Variants in GRAMD4 observed in about 807,000 individuals in gnomAD.
The protein encoded by GRAMD4 is GRAM domain-containing protein 4.
A neutral mutation model predicts 83.9 loss-of-function variants in GRAMD4; 25 were observed. The ratio of observed to expected loss-of-function variants is 0.30; its 90% CI spans 0.22 to 0.42. GRAMD4 has a LOEUF of 0.42. Ranked by LOEUF, GRAMD4 falls within the 10% of genes least tolerant of loss-of-function variation. The pLI, the probability that GRAMD4 is intolerant of heterozygous loss-of-function variation, is 1.00. For missense variants in GRAMD4, 593 were observed against 788.7 expected, an observed-to-expected ratio of 0.75 and a Z score of 2.97; for synonymous variants, 336 against 320.9, an observed-to-expected ratio of 1.05 and a Z score of -0.50.
At chr22:46,604,479 G>A (rs768012642) in intron 1 of GRAMD4, among the ~76,000 whole-genome samples, 20 of 152,082 alleles carry the variant, frequency 1.3e-4, no homozygotes, top group Non-Finnish European at 2.5e-4. Flanking sequence ...TTCTGCAACC[G>A]TCACTACCAT....
intron 8 of GRAMD4, among the ~76,000 whole-genome samples, chr22:46,664,633 C>A (rs995598561): frequency 2.6e-5 from 4 of 152,202 alleles, no homozygotes; most frequent in Non-Finnish European, 5.9e-5. Context: ...CAGCGGCTGC[C>A]CCAGCGGGAC....
Position 46,621,436 on chromosome 22 carries a change from G to A in GRAMD4, c.-50+871G>A, listed in dbSNP as rs984341790. Among the ~76,000 whole-genome samples, 3 of 152,164 alleles carry A rather than the reference G, an allele frequency of 2.0e-5. No homozygotes were observed. Among genetic ancestry groups the A allele is most frequent in the African/African-American group, 7.2e-5 (3 of 41,440 alleles). ...AGTGCAGTGCGGGGGCTGCCCATGT[G>A]GCCGTGGAGGGCACCCCTACCCCGG... On this transcript the variant is annotated intron_variant, in intron 1 of 18. Transcript: ENST00000406902. This position sits in a 1 kb window ranked among gnomAD's most constrained non-coding sequence, Gnocchi z 5.8.
At chr22:46,643,435 C>T (rs185672152) in intron 3 of GRAMD4, among the ~76,000 whole-genome samples, 1 of 152,142 alleles carries the variant, frequency 6.6e-6, no homozygotes, top group African/African-American at 2.4e-5. Context: ...ATGCTAAATA[C>T]TTTTGTAGTA....
At chr22:46,611,229 T>A (rs138515) in intron 1 of GRAMD4, among the ~76,000 whole-genome samples, 119,756 of 149,518 alleles carry the variant, frequency 0.8, 48,444 homozygotes, top group East Asian at 1. Flanking sequence ...AAAAAAAAAA[T>A]ATTAAATAAA....
At chr22:46,626,603 G>GGT (rs1386035232) in intron 1 of GRAMD4, 148 bp from the exon 2 acceptor site, 2 of 565,336 alleles carry the variant, frequency 3.5e-6, no homozygotes, top group Admixed American at 3.1e-5. Flanking sequence ...GGGGCTTGGA[G>GGT]GTGTGTGTGG....
intron 3 of GRAMD4, among the ~76,000 whole-genome samples, chr22:46,656,984 T>G (rs1477031665): frequency 2.6e-5 from 4 of 152,050 alleles, no homozygotes; most frequent in Non-Finnish European, 4.4e-5. Flanking sequence ...GGCAGCCTTC[T>G]GGGGAGAGAC....
chr22:46,633,065 G>A (rs2081800151), intron 2 of GRAMD4, among the ~76,000 whole-genome samples: 1 of 152,212 alleles, frequency 6.6e-6, no homozygotes, highest in Non-Finnish European at 1.5e-5. Flanking sequence ...GAGCCTCCAA[G>A]CTCTTCTCCA....
chr22:46,610,958 TA>T (rs1312701303), intron 1 of GRAMD4, among the ~76,000 whole-genome samples: 4 of 152,196 alleles, frequency 2.6e-5, no homozygotes, highest in African/African-American at 9.7e-5. Flanking sequence ...CTCATGCCTG[TA>T]ATCCCAGCAC....
chr22:46,645,325 C>T (rs2082057789), intron 3 of GRAMD4, among the ~76,000 whole-genome samples: 7 of 152,166 alleles, frequency 4.6e-5, no homozygotes, highest in Admixed American at 3.9e-4. Context: ...ATTATGTAAT[C>T]TGGGGACCCA....
intron 14 of GRAMD4, among the ~76,000 whole-genome samples, chr22:46,673,393 G>T (rs1308749185): frequency 6.6e-6 from 1 of 152,250 alleles, no homozygotes; most frequent in Non-Finnish European, 1.5e-5. Context: ...CCCTCCAGAT[G>T]TGCAGCACAG....
At position 46,679,095 on chromosome 22, in the gene GRAMD4, C is replaced by T; in HGVS notation, c.*1844C>T. 1 of 985,568 alleles carries T rather than the reference C, an allele frequency of 1.0e-6. No individual in the cohort carries two copies. Among genetic ancestry groups the T allele is most frequent in the Non-Finnish European group, 1.2e-6 (1 of 829,986 alleles). The allele number at this position is 985,568 out of a possible 1,614,324, so 61.1% of individuals were successfully genotyped here. A position where few individuals can be genotyped will look rare whatever the true frequency, so the allele number is the denominator to read the frequency against. ...CAACACAGGGTGGGCACTGACCCAC[C>T]CCCAGGGGCGGCTGCAGAGGCAGTG... On this transcript the variant is annotated 3_prime_UTR_variant, in exon 19 of 19. Transcript: ENST00000406902.
chr22:46,664,463 C>T (rs1363867012), intron 8 of GRAMD4, among the ~76,000 whole-genome samples: 1 of 140,248 alleles, frequency 7.1e-6, no homozygotes, highest in African/African-American at 2.8e-5. Context: ...CACAGAGTAC[C>T]TGGTGCTGGG....
intron 3 of GRAMD4, among the ~76,000 whole-genome samples, chr22:46,650,393 C>G (rs1032400890): frequency 1.3e-5 from 2 of 151,906 alleles, no homozygotes; most frequent in African/African-American, 4.8e-5. Context: ...GGCGTCGAGG[C>G]TGGGAGGAGG....
chr22:46,577,299 C>T, intron 1 of GRAMD4: 1 of 979,668 alleles, frequency 1.0e-6, no homozygotes, highest in Non-Finnish European at 1.2e-6. Context: ...GGGTAAGCGG[C>T]GCGCGCGGAC....
chr22:46,620,831 C>T lies in GRAMD4; in HGVS notation c.-50+266C>T, dbSNP rs1326723767. Among the ~76,000 whole-genome samples, 1 of 152,070 alleles carries T rather than the reference C, an allele frequency of 6.6e-6. No homozygotes were observed. The highest frequency in any genetic ancestry group is 2.4e-5 in the African/African-American group (1 of 41,402). ...TGAGAACCTGGCCTGGTCAGGAGGG[C>T]CGGCAAGAGGAGGAGCCTCCCAGGA... is the stretch of plus-strand genomic sequence containing the variant. On this transcript the variant is annotated intron_variant, in intron 1 of 18. Coordinates refer to ENST00000406902, the MANE Select transcript of GRAMD4 (RefSeq NM_015124.5). This position sits in a 1 kb window ranked among gnomAD's most constrained non-coding sequence, Gnocchi z 4.7.
chr22:46,665,672 A>G lies in GRAMD4; in HGVS notation c.775A>G (p.Ile259Val), dbSNP rs1850831474. 2 of 1,605,358 alleles carry G rather than the reference A, an allele frequency of 1.2e-6. No individual in the cohort carries two copies. Among genetic ancestry groups the G allele is most frequent in the Non-Finnish European group, 8.5e-7 (1 of 1,172,448 alleles). ...WAIPLFLFLA[I>V]LRLSLNYLIA... ...CATCCCATTGTTCTTATTTCTAGCA[A>G]TTCTGAGGTTATCCCTCAATTACCT... The change falls in exon 9 of 19, where the codon ATT becomes GTT. Residue 259 changes from isoleucine (I) to valine (V), a missense_variant. This residue lies in a region of GRAMD4 where 312 missense variants were observed against 350.7 expected (regional missense o/e 0.89). Transcript: ENST00000406902.
At chr22:46,664,188 C>CACCT in intron 8 of GRAMD4, 71 bp downstream of exon 8, 6 of 1,104,208 alleles carry the variant, frequency 5.4e-6, no homozygotes, top group Non-Finnish European at 8.4e-6. Flanking sequence ...CATGATCAGG[C>CACCT]ACCTTCCCAG....
At position 46,650,718 on chromosome 22, in the gene GRAMD4, C is replaced by T. The variant is rs149260719; in HGVS notation, c.284-7469C>T. Among the ~76,000 whole-genome samples the T allele has an allele frequency of 9.3e-4, 141 of 152,306 alleles. 1 individual carries two copies. The highest frequency in any genetic ancestry group is 3.2e-3 in the African/African-American group (131 of 41,576). ...GGGGCGATTTCTATGTGCCATGTGT[C>T]GCCACGCCAGGCTCTTGTCCTGTCC... On this transcript the variant is annotated intron_variant, in intron 3 of 18. Transcript: ENST00000406902.
In GRAMD4 at chr22:46,672,304, C is replaced by G. The variant is rs1321449511; in HGVS notation, c.1085-539C>G. Among the ~76,000 whole-genome samples, 1 of 151,148 alleles carries G rather than the reference C, an allele frequency of 6.6e-6. No individual in the cohort carries two copies. On this transcript the variant is annotated intron_variant, in intron 13 of 18. Transcript: ENST00000406902. This position sits in a 1 kb window ranked among gnomAD's most constrained non-coding sequence, Gnocchi z 4.7. ...AACGGAGCTGGTGGAGGGGAACTTGCGAGGGCGTGGCTGGGAGCCGTCTGA... is the reference window on the plus strand; with the variant it reads ...AACGGAGCTGGTGGAGGGGAACTTGGGAGGGCGTGGCTGGGAGCCGTCTGA...
Sources: allele counts gnomAD v4.1 joint callset (sites outside exome capture counted in the v4.1 genomes callset), GRCh38; gene constraint gnomAD v4.1.1; regional missense constraint gnomAD v4.1.1; non-coding constraint Gnocchi (gnomAD v3.1); transcripts MANE v1.5; gene names NCBI Gene and HGNC (gene_info 2026-07-23, HGNC 2026-07-21).